The following PIP5K1C variants were observed in gnomAD, a reference collection of about 807,000 sequenced individuals.
The protein encoded by PIP5K1C is phosphatidylinositol-4-phosphate 5-kinase type 1 gamma.
Under a neutral mutation model 80.1 loss-of-function variants are expected in PIP5K1C, and 45 were observed. That is an observed-to-expected ratio of 0.56 (90% CI 0.44 to 0.72). PIP5K1C has a LOEUF of 0.72. PIP5K1C is among the 30% of genes least tolerant of loss of function. The pLI, the probability that PIP5K1C is intolerant of heterozygous loss-of-function variation, is 0.00. For synonymous variants in PIP5K1C, 498 were observed against 420.1 expected, an observed-to-expected ratio of 1.19 and a Z score of -2.27; for missense variants, 753 against 954.6, an observed-to-expected ratio of 0.79 and a Z score of 2.78.
At chr19:3,643,830 C>T (rs2034089001) in intron 12 of PIP5K1C, among the ~76,000 whole-genome samples, 2 of 152,076 alleles carry the variant, frequency 1.3e-5, no homozygotes, top group Admixed American at 6.5e-5. Context: ...CATCCTGGTG[C>T]ACCTCAGATG....
intron 1 of PIP5K1C, among the ~76,000 whole-genome samples, chr19:3,689,854 A>G (rs2035889506): frequency 2.0e-5 from 3 of 152,014 alleles, no homozygotes; most frequent in Non-Finnish European, 1.5e-5. Context: ...CCCCCCACAC[A>G]CAGAATGATA....
intron 5 of PIP5K1C, among the ~76,000 whole-genome samples, chr19:3,660,729 G>A (rs2034805075): frequency 6.6e-6 from 1 of 152,040 alleles, no homozygotes; most frequent in African/African-American, 2.4e-5. Context: ...AGGAATGGAG[G>A]CTCCCAGCCA....
At chr19:3,638,059 A>C in intron 16 of PIP5K1C, 1 of 1,464,094 alleles carries the variant, frequency 6.8e-7, no homozygotes, top group Non-Finnish European at 9.0e-7. Context: ...GTGCCCCCAC[A>C]ACAGGCCCTA....
rs2036091322 is a variant in PIP5K1C at position 3,696,006 on chromosome 19, C to T, written c.94+4291G>A. On this transcript the variant is annotated intron_variant, in intron 1 of 17. Transcript: ENST00000335312. This position sits in a 1 kb window ranked among gnomAD's most constrained non-coding sequence, Gnocchi z 4.1. ...TCAGCCTCCCAAAATGCTGGGATTA[C>T]AGGTGTGAGCCACCGTGCCCGGCCT... 6.6e-6 allele frequency among the ~76,000 whole-genome samples: 1 copy of T among 152,166 alleles called. No homozygotes were observed. The highest frequency in any genetic ancestry group is 2.4e-5 in the African/African-American group (1 of 41,428).
intron 1 of PIP5K1C, among the ~76,000 whole-genome samples, chr19:3,676,938 A>G (rs1283825212): frequency 6.6e-6 from 1 of 151,824 alleles, no homozygotes; most frequent in Non-Finnish European, 1.5e-5. Context: ...CCATCTCTAC[A>G]AAAAAATTTA....
chr19:3,691,396 C>T (rs113616886), intron 1 of PIP5K1C, among the ~76,000 whole-genome samples: 1 of 152,158 alleles, frequency 6.6e-6, no homozygotes, highest in African/African-American at 2.4e-5. Flanking sequence ...GCAAACGGCC[C>T]GCCTGCGAGC....
At chr19:3,699,808 G>A (rs1478719528) in intron 1 of PIP5K1C, among the ~76,000 whole-genome samples, 1 of 152,226 alleles carries the variant, frequency 6.6e-6, no homozygotes, top group African/African-American at 2.4e-5. Context: ...AGCCGGGGCG[G>A]TGGAGGCATC....
At chr19:3,635,356 G>C (rs2033638420) in intron 16 of PIP5K1C, among the ~76,000 whole-genome samples, 1 of 152,106 alleles carries the variant, frequency 6.6e-6, no homozygotes, top group Non-Finnish European at 1.5e-5. Flanking sequence ...AGACCAGCCT[G>C]GCCAATATGG....
At chr19:3,635,574 A>G (rs952435458) in intron 16 of PIP5K1C, among the ~76,000 whole-genome samples, 1 of 152,120 alleles carries the variant, frequency 6.6e-6, no homozygotes, top group Non-Finnish European at 1.5e-5. Flanking sequence ...AATCCCAGCA[A>G]CTCGGGAGGC....
In PIP5K1C at chr19:3,692,598, G is replaced by A. The variant is rs900065213; in HGVS notation, c.94+7699C>T. Among the ~76,000 whole-genome samples the A allele has an allele frequency of 3.3e-5, 5 of 151,942 alleles. No homozygotes were observed. Among genetic ancestry groups the A allele is most frequent in the African/African-American group, 1.2e-4 (5 of 41,342 alleles). ...CCCCACCTGGCCCAGCCCCAGCTTC[G>A]CCCACCTGGGCCAGTGCAGTCCCCT... On this transcript the variant is annotated intron_variant, in intron 1 of 17. Transcript: ENST00000335312. The surrounding 1 kb of genome is among the most constrained non-coding windows in gnomAD (Gnocchi z 5.2).
At position 3,631,805 on chromosome 19, in the gene PIP5K1C, C is replaced by A. The variant is rs1485609721; in HGVS notation, c.*1362G>T. The A allele has an allele frequency of 6.6e-6, 1 of 152,260 alleles. No homozygotes were observed. Among genetic ancestry groups the A allele is most frequent in the Non-Finnish European group, 1.5e-5 (1 of 68,054 alleles). The allele number at this position is 152,260 out of a possible 1,614,324, so 9.4% of individuals were successfully genotyped here. A position where few individuals can be genotyped will look rare whatever the true frequency, so the allele number is the denominator to read the frequency against. On this transcript the variant is annotated 3_prime_UTR_variant, in exon 18 of 18. Transcript: ENST00000335312. ...AACACAGAGCCCTGCCTGGGAGGTT[C>A]TCCGGCCGTCTCAGACCCCACACCA... is the stretch of plus-strand genomic sequence containing the variant.
chr19:3,642,892 G>C lies in PIP5K1C; in HGVS notation c.1682+15C>G, dbSNP rs1417968760. 3.1e-6 allele frequency: 5 copies of C among 1,610,566 alleles called. No homozygotes were observed. The African/African-American group carries it at 4.0e-5, about 13-fold the overall frequency. On this transcript the variant is annotated intron_variant, in intron 14 of 17. Coordinates refer to ENST00000335312, the MANE Select transcript of PIP5K1C (RefSeq NM_012398.3). ...AGCTGGTGAGACCCAGGGAAGGAAG[G>C]GGGTTGGGTCTCACCTGCCATCCTG...
chr19:3,682,437 T>C (rs1039073038), intron 1 of PIP5K1C, among the ~76,000 whole-genome samples: 6 of 150,560 alleles, frequency 4.0e-5, no homozygotes, highest in Admixed American at 2.0e-4. Context: ...CCCAGCACAC[T>C]TGGAGGCCGA....
At chr19:3,658,018 G>A (rs1336268529) in intron 5 of PIP5K1C, among the ~76,000 whole-genome samples, 3 of 152,150 alleles carry the variant, frequency 2.0e-5, no homozygotes, top group Admixed American at 6.5e-5. Flanking sequence ...GGTCCCCAGC[G>A]CCACACACAC....
chr19:3,636,763 C>A, intron 16 of PIP5K1C: 7 of 986,558 alleles, frequency 7.1e-6, no homozygotes, highest in Non-Finnish European at 8.4e-6. Flanking sequence ...GTCACGGCGG[C>A]CTCGGCGGAG....
rs568513851 is a variant in PIP5K1C, at chr19:3,689,238, G to C, written c.94+11059C>G. ...AAAAACGAACATACAACAAGGTCAC[G>C]TATCGACTGGCTGATGGAAACATCA... On this transcript the variant is annotated intron_variant, in intron 1 of 17. Coordinates refer to ENST00000335312, the MANE Select transcript of PIP5K1C (RefSeq NM_012398.3). 2.6e-5 allele frequency among the ~76,000 whole-genome samples: 4 copies of C among 152,240 alleles called. No individual in the cohort carries two copies. In the East Asian group the frequency reaches 7.7e-4, roughly 29 times the overall value.
chr19:3,678,347 TG>T (rs2035462459), intron 1 of PIP5K1C, among the ~76,000 whole-genome samples: 1 of 92,908 alleles, frequency 1.1e-5, no homozygotes, highest in Non-Finnish European at 2.2e-5. Context: ...GACAGAGGCA[TG>T]GAGGGATGGA....
chr19:3,653,294 C>A lies in PIP5K1C; in HGVS notation c.917G>T (p.Cys306Phe). 1 of 1,606,388 alleles carries A rather than the reference C, an allele frequency of 6.2e-7. No homozygotes were observed. ...SALVKTLQRD[C>F]LVLESFKIMD... ...CGGCCGGGGCCGAGCCCTCACCAGG[C>A]AGTCCCGCTGCAGCGTCTTGACCAG... Residue 306 changes from cysteine (C) to phenylalanine (F), a missense_variant, in exon 7 of 18, where the codon TGC (cysteine) becomes TTC (phenylalanine). Transcript: ENST00000335312.
Position 3,700,285 on chromosome 19 carries a change from C to T in PIP5K1C, c.94+12G>A. 1 of 1,256,694 alleles carries T rather than the reference C, an allele frequency of 8.0e-7. No individual in the cohort carries two copies. 77.8% of individuals were successfully genotyped at this position (1,256,694 alleles called of 1,614,324 possible). A position where few individuals can be genotyped will look rare whatever the true frequency, so the allele number is the denominator to read the frequency against. Reference sequence around the variant, plus strand: ...CCCAGCGGGCCGCAGCCCCGGGAGGCCGGGCCGTTACCTGCCGCCGCCCCG... The same window carrying T: ...CCCAGCGGGCCGCAGCCCCGGGAGGTCGGGCCGTTACCTGCCGCCGCCCCG... On this transcript the variant is annotated intron_variant, in intron 1 of 17. Transcript: ENST00000335312.
Sources: allele counts gnomAD v4.1 joint callset (sites outside exome capture counted in the v4.1 genomes callset), GRCh38; gene constraint gnomAD v4.1.1; non-coding constraint Gnocchi (gnomAD v3.1); transcripts MANE v1.5; gene names NCBI Gene and HGNC (gene_info 2026-07-23, HGNC 2026-07-21).